The following FAM111B variants were observed in gnomAD, a reference collection of about 807,000 sequenced individuals.
FAM111B encodes the protein serine protease FAM111B.
Under a neutral mutation model 2.8 loss-of-function variants are expected in FAM111B, and 1 was observed. That is an observed-to-expected ratio of 0.36 (90% CI 0.13 to 1.70). The LOEUF is 1.70. Ranked by LOEUF, FAM111B falls within the 40% of genes most tolerant of loss-of-function variation. The pLI, the probability that FAM111B is intolerant of heterozygous loss-of-function variation, is 0.35. For missense variants in FAM111B, 882 were observed against 878.9 expected (o/e 1.00, Z -0.04); for synonymous variants, 297 against 295.6 (o/e 1.00, Z -0.05).
In FAM111B at chr11:59,125,158, C is replaced by T. The variant is rs2135404647; in HGVS notation, c.1061C>T (p.Pro354Leu). ...AGAAATTATTACTTTTGTAGTTTGC[C>T]CCGAAAATATAGGCAAATAAACTCA... The part of the protein sequence containing the change: ...RIRNYYFCSL[P>L]RKYRQINSQV... The change falls in exon 4 of 4, where the codon CCC becomes CTC. Residue 354 changes from proline (P) to leucine (L), a missense_variant. Pro to Leu is a moderately conservative substitution (Grantham distance 98). Coordinates refer to ENST00000343597, the MANE Select transcript of FAM111B (RefSeq NM_198947.4). The T allele has an allele frequency of 6.2e-7, 1 of 1,613,886 alleles. No individual in the cohort carries two copies. The highest frequency in any genetic ancestry group is 8.5e-7 in the Non-Finnish European group (1 of 1,179,838).
In FAM111B at chr11:59,126,344, G is replaced by A; in HGVS notation, c.*42G>A. 1 of 1,439,450 alleles carries A rather than the reference G, an allele frequency of 6.9e-7. No individual in the cohort carries two copies. Among genetic ancestry groups the A allele is most frequent in the Non-Finnish European group, 9.2e-7 (1 of 1,082,868 alleles). The allele number at this position is 1,439,450 out of a possible 1,614,324, so 89.2% of individuals were successfully genotyped here. On this transcript the variant is annotated 3_prime_UTR_variant, in exon 4 of 4. Coordinates refer to ENST00000343597, the MANE Select transcript of FAM111B (RefSeq NM_198947.4). ...TCAAGAAAATATGCCAATAATTCCT[G>A]GCAAAGATTTCATGACAAAGACACT...
Position 59,124,879 on chromosome 11 carries a change from G to C in FAM111B, c.782G>C (p.Gly261Ala), listed in dbSNP as rs756801588. 5.0e-6 allele frequency: 8 copies of C among 1,607,738 alleles called. No individual in the cohort carries two copies. Among genetic ancestry groups the C allele is most frequent in the African/African-American group, 1.3e-5 (1 of 74,362 alleles). ...CAGTCCATGGTGGATGAAGTATCTG[G>C]AAAAGTCTTAGAAATGGACATTTCA... is the stretch of plus-strand genomic sequence containing the variant. ...GKQSMVDEVSGKVLEMDISKK... is the reference protein window; with the variant it reads ...GKQSMVDEVSAKVLEMDISKK... Residue 261 changes from glycine to alanine, a missense_variant, in exon 4 of 4, where the codon GGA becomes GCA. By Grantham distance (60) the Gly-to-Ala change is moderately conservative. Transcript: ENST00000343597.
rs368876101 is a variant in FAM111B at position 59,125,112 on chromosome 11, C to T, written c.1015C>T (p.Arg339Cys). The change falls in exon 4 of 4, where the codon CGC (arginine) becomes TGC (cysteine). Residue 339 changes from arginine to cysteine, a missense_variant. Physicochemically the swap from Arg to Cys is radical, Grantham distance 180 (BLOSUM62 -3). Coordinates refer to ENST00000343597, the MANE Select transcript of FAM111B (RefSeq NM_198947.4). ...AAGCCATTATATTAAAGATAAAACT[C>T]GCCAGACAATTCCCAGGATTAGAAA... ...DLSHYIKDKTRQTIPRIRNYY... is the reference protein window; with the variant it reads ...DLSHYIKDKTCQTIPRIRNYY... 20 of 1,613,674 alleles carry T rather than the reference C, an allele frequency of 1.2e-5. No homozygotes were observed. Among genetic ancestry groups the T allele is most frequent in the Non-Finnish European group, 1.5e-5 (18 of 1,179,832 alleles).
At chr11:59,121,874 G>A (rs1859927806) in intron 3 of FAM111B, among the ~76,000 whole-genome samples, 2 of 152,230 alleles carry the variant, frequency 1.3e-5, no homozygotes, top group Non-Finnish European at 2.9e-5. Context: ...GCCGGGCGCA[G>A]TGGCTCACAC....
chr11:59,116,426 C>T (rs1859841791), intron 3 of FAM111B, among the ~76,000 whole-genome samples: 1 of 152,206 alleles, frequency 6.6e-6, no homozygotes, highest in South Asian at 2.1e-4. Context: ...ACACTCCCCT[C>T]CTGGTAAGGT....
At chr11:59,115,483 A>G (rs1859824861) in intron 3 of FAM111B, among the ~76,000 whole-genome samples, 1 of 152,210 alleles carries the variant, frequency 6.6e-6, no homozygotes, top group Non-Finnish European at 1.5e-5. Flanking sequence ...TGCAATAGAA[A>G]TTGACACAAG....
At chr11:59,121,080 A>C (rs1016639937) in intron 3 of FAM111B, among the ~76,000 whole-genome samples, 2 of 152,126 alleles carry the variant, frequency 1.3e-5, no homozygotes, top group African/African-American at 4.8e-5. Flanking sequence ...AAAAAAAAAA[A>C]AAAAACAATT....
chr11:59,117,137 C>G (rs1240251241), intron 3 of FAM111B, among the ~76,000 whole-genome samples: 4 of 152,322 alleles, frequency 2.6e-5, no homozygotes, highest in Non-Finnish European at 5.9e-5. Flanking sequence ...TCTGAATGAG[C>G]CAGATATTTC....
At chr11:59,111,366 G>C (rs1859755656) in intron 3 of FAM111B, among the ~76,000 whole-genome samples, 1 of 152,096 alleles carries the variant, frequency 6.6e-6, no homozygotes, top group Non-Finnish European at 1.5e-5. Context: ...AATAGCTGCA[G>C]TATCTTTTTT....
intron 3 of FAM111B, among the ~76,000 whole-genome samples, chr11:59,114,229 C>G (rs1000922754): frequency 1.3e-5 from 2 of 152,116 alleles, no homozygotes; most frequent in Admixed American, 6.5e-5. Flanking sequence ...ATCACTGTAG[C>G]TGGGACCAAG....
intron 3 of FAM111B, among the ~76,000 whole-genome samples, chr11:59,122,556 C>T (rs1429628265): frequency 6.6e-6 from 1 of 152,162 alleles, no homozygotes; most frequent in Non-Finnish European, 1.5e-5. Flanking sequence ...GGACTATTCA[C>T]AGGATACTAG....
chr11:59,120,651 T>G (rs1007826346), intron 3 of FAM111B, among the ~76,000 whole-genome samples: 4 of 152,170 alleles, frequency 2.6e-5, no homozygotes, highest in African/African-American at 9.7e-5. Flanking sequence ...GTTGGCCATG[T>G]TTTTCCTATG....
chr11:59,118,008 C>G (rs1204640590), intron 3 of FAM111B, among the ~76,000 whole-genome samples: 1 of 152,200 alleles, frequency 6.6e-6, no homozygotes, highest in Non-Finnish European at 1.5e-5. Flanking sequence ...TAAATACCCT[C>G]TAGAGGTTTC....
intron 3 of FAM111B, among the ~76,000 whole-genome samples, chr11:59,119,397 C>T (rs891279875): frequency 6.6e-6 from 1 of 152,186 alleles, no homozygotes; most frequent in Non-Finnish European, 1.5e-5. Context: ...TTCCGTTTCT[C>T]AGGTGTCACT....
intron 3 of FAM111B, among the ~76,000 whole-genome samples, chr11:59,110,539 G>A (rs1263494484): frequency 6.6e-6 from 1 of 152,150 alleles, no homozygotes; most frequent in Non-Finnish European, 1.5e-5. Flanking sequence ...TAGATCTTAT[G>A]TTAAGTGTTC....
Position 59,124,929 on chromosome 11 carries a change from G to A in FAM111B, c.832G>A (p.Asp278Asn), listed in dbSNP as rs774332841. The A allele has an allele frequency of 6.2e-7, 1 of 1,604,910 alleles. No homozygotes were observed. The highest frequency in any genetic ancestry group is 1.1e-5 in the South Asian group (1 of 88,456). Residue 278 changes from aspartate (D) to asparagine (N), a missense_variant, in exon 4 of 4, where the codon GAT becomes AAT. Asp to Asn is a conservative substitution (Grantham distance 23). Coordinates refer to ENST00000343597, the MANE Select transcript of FAM111B (RefSeq NM_198947.4). ...ISKKKALQQK[D>N]IHKKIKQNES... is the part of the protein sequence containing the mutation. ...AAAAAAAAAAGCATTACAACAGAAA[G>A]ATATCCATAAAAAAATTAAACAGAA...
Position 59,109,686 on chromosome 11 carries a change from A to G in FAM111B, c.61A>G (p.Thr21Ala), listed in dbSNP as rs1168403470. Residue 21 changes from threonine (T) to alanine (A), a missense_variant, in exon 3 of 4, where the codon ACT becomes GCT. Transcript: ENST00000343597. ...TAGCGCTATGGAAGATGACCAGAGG[A>G]CTAGACCTGAAGTTTCAAAGGTATA... ...SFSAMEDDQR[T>A]RPEVSKDTVM... 6.2e-7 allele frequency: 1 copy of G among 1,611,838 alleles called. No individual in the cohort carries two copies. Among genetic ancestry groups the G allele is most frequent in the African/African-American group, 1.3e-5 (1 of 74,888 alleles).
chr11:59,126,114 C>G lies in FAM111B; in HGVS notation c.2017C>G (p.Arg673Gly). The G allele has an allele frequency of 6.2e-7, 1 of 1,613,224 alleles. No individual in the cohort carries two copies. The highest frequency in any genetic ancestry group is 1.1e-5 in the South Asian group (1 of 90,954). The change falls in exon 4 of 4, where the codon CGA becomes GGA. Residue 673 changes from arginine to glycine, a missense_variant. Coordinates refer to ENST00000343597, the MANE Select transcript of FAM111B (RefSeq NM_198947.4). Reference protein sequence around the residue: ...ALHTFGLFYQRGFNVHALIEF... With the variant: ...ALHTFGLFYQGGFNVHALIEF... ...GCATACCTTTGGGCTTTTTTATCAA[C>G]GAGGATTTAATGTGCATGCCCTTAT...
At position 59,125,168 on chromosome 11, in the gene FAM111B, T is replaced by C. The variant is rs753234282; in HGVS notation, c.1071T>C (p.Tyr357=). 5 of 1,613,932 alleles carry C rather than the reference T, an allele frequency of 3.1e-6. No individual in the cohort carries two copies. The highest frequency in any genetic ancestry group is 2.2e-5 in the South Asian group (2 of 91,064). ...ACTTTTGTAGTTTGCCCCGAAAATA[T>C]AGGCAAATAAACTCACAAGTTAGAC... ...NYYFCSLPRK[Y]RQINSQVRRR... is the part of the protein sequence containing the mutation. The change falls in exon 4 of 4, where the codon TAT becomes TAC. Residue 357 remains tyrosine (Y), a synonymous_variant. Transcript: ENST00000343597.
Sources: gnomAD v4.1 joint callset for allele counts (sites outside exome capture counted in the v4.1 genomes callset) on GRCh38, gnomAD v4.1.1 for gene constraint, MANE v1.5 for transcripts, NCBI Gene and HGNC (gene_info 2026-07-23, HGNC 2026-07-21) for gene names.